Variants in FAM114A1 observed in about 807,000 individuals in gnomAD.
The protein encoded by FAM114A1 is protein NOXP20.
FAM114A1 carries 62 observed loss-of-function variants against 64.3 expected under a neutral mutation model. That is an observed-to-expected ratio of 0.96 (90% CI 0.79 to 1.19). FAM114A1 has a LOEUF of 1.19. Ranked by LOEUF, FAM114A1 falls within the 50% of genes most tolerant of loss-of-function variation. FAM114A1 has a pLI of 0.00. For synonymous variants in FAM114A1, 254 were observed against 251.1 expected, an observed-to-expected ratio of 1.01 and a Z score of -0.11; for missense variants, 645 against 676.3, an observed-to-expected ratio of 0.95 and a Z score of 0.51.
At chr4:38,942,918 A>G (rs1350878015) in intron 14 of FAM114A1, among the ~76,000 whole-genome samples, 1 of 152,158 alleles carries the variant, frequency 6.6e-6, no homozygotes, top group East Asian at 1.9e-4. Context: ...TTAAAAGTCC[A>G]TAGAAGTGGC....
At chr4:38,941,665 C>T (rs923806679) in intron 14 of FAM114A1, among the ~76,000 whole-genome samples, 1 of 152,184 alleles carries the variant, frequency 6.6e-6, no homozygotes, top group Non-Finnish European at 1.5e-5. Flanking sequence ...GCACTGTGTT[C>T]CACCTGTAGA....
intron 13 of FAM114A1, 101 bp from the exon 14 acceptor site, chr4:38,940,867 C>A: frequency 8.1e-7 from 1 of 1,241,406 alleles, no homozygotes; most frequent in Non-Finnish European, 1.2e-6. Flanking sequence ...TCCTCTTCCT[C>A]TGCAAGAGAT....
chr4:38,877,506 G>A (rs1054626522), intron 2 of FAM114A1, among the ~76,000 whole-genome samples: 2 of 152,178 alleles, frequency 1.3e-5, no homozygotes, highest in Non-Finnish European at 2.9e-5. Flanking sequence ...AGTTCAGGTG[G>A]TAATGCGAGC....
chr4:38,938,988 A>G (rs11944237), intron 13 of FAM114A1, among the ~76,000 whole-genome samples: 1 of 152,174 alleles, frequency 6.6e-6, no homozygotes, highest in Non-Finnish European at 1.5e-5. Flanking sequence ...TGCTTCTCAA[A>G]CTTAAGGTGC....
intron 3 of FAM114A1, among the ~76,000 whole-genome samples, chr4:38,881,113 A>T (rs1301725156): frequency 6.6e-6 from 1 of 151,616 alleles, no homozygotes; most frequent in Non-Finnish European, 1.5e-5. Flanking sequence ...TGAACCTGGG[A>T]GGTGAAGGTT....
chr4:38,873,553 C>T (rs1233956258), intron 2 of FAM114A1, among the ~76,000 whole-genome samples: 1 of 152,162 alleles, frequency 6.6e-6, no homozygotes, highest in Non-Finnish European at 1.5e-5. Flanking sequence ...TCAAAGAGGA[C>T]TTTAACTGTC....
chr4:38,930,325 A>G (rs902876729), intron 10 of FAM114A1, among the ~76,000 whole-genome samples: 2 of 152,152 alleles, frequency 1.3e-5, no homozygotes, highest in African/African-American at 2.4e-5. Context: ...AGTGGTTTAC[A>G]TAGGTACTCA....
At chr4:38,902,485 C>T (rs1195012913) in intron 4 of FAM114A1, among the ~76,000 whole-genome samples, 1 of 152,178 alleles carries the variant, frequency 6.6e-6, no homozygotes, top group African/African-American at 2.4e-5. Flanking sequence ...CAGAAATCCT[C>T]CACAAGACTC....
chr4:38,942,424 G>C (rs571066427), intron 14 of FAM114A1, among the ~76,000 whole-genome samples: 1 of 152,256 alleles, frequency 6.6e-6, no homozygotes, highest in South Asian at 2.1e-4. Context: ...ACATAGCTAA[G>C]AGAAAACCCT....
intron 13 of FAM114A1, chr4:38,938,649 A>C (rs1721306353): frequency 6.6e-6 from 1 of 152,204 alleles, no homozygotes; most frequent in Non-Finnish European, 1.5e-5. Flanking sequence ...TCAAGATGGA[A>C]TAGCCTTAGT....
chr4:38,931,658 T>C, intron 11 of FAM114A1, 46 bp downstream of exon 11: 3 of 1,523,974 alleles, frequency 2.0e-6, no homozygotes, highest in Non-Finnish European at 1.8e-6. Context: ...TAAGAGTGTG[T>C]TCATTTTATT....
chr4:38,898,964 G>T (rs1717225853), intron 4 of FAM114A1, among the ~76,000 whole-genome samples: 1 of 146,740 alleles, frequency 6.8e-6, no homozygotes, highest in Non-Finnish European at 1.5e-5. Flanking sequence ...TATTATATAT[G>T]TAATATATAT....
rs1029962015 is a variant in FAM114A1, at chr4:38,905,843, C to A, written c.639C>A (p.Thr213=). The A allele has an allele frequency of 6.2e-7, 1 of 1,613,002 alleles. No homozygotes were observed. The highest frequency in any genetic ancestry group is 1.3e-5 in the African/African-American group (1 of 74,742). Residue 213 remains threonine (T), a synonymous_variant, in exon 6 of 15, where the codon ACC becomes ACA. Coordinates refer to ENST00000358869, the MANE Select transcript of FAM114A1 (RefSeq NM_138389.4). Reference sequence around the variant, plus strand: ...CTCGGGGTATGCTGTCTGCCATCACCAATGTGGTTCAAAACACAGTGAGTC... The same window carrying A: ...CTCGGGGTATGCTGTCTGCCATCACAAATGTGGTTCAAAACACAGTGAGTC... The part of the protein sequence containing the change: ...SASRGMLSAI[T]NVVQNTGKSV...
At chr4:38,901,769 A>T (rs575742873) in intron 4 of FAM114A1, among the ~76,000 whole-genome samples, 8 of 152,310 alleles carry the variant, frequency 5.3e-5, no homozygotes, top group Non-Finnish European at 8.8e-5. Flanking sequence ...ATCAAAGTGG[A>T]TGTGTAAGAT....
intron 4 of FAM114A1, among the ~76,000 whole-genome samples, chr4:38,899,496 C>A (rs1370314768): frequency 6.6e-6 from 1 of 152,294 alleles, no homozygotes; most frequent in Middle Eastern, 3.4e-3. Context: ...AGAATGAGCA[C>A]TGTGATTCCA....
intron 3 of FAM114A1, among the ~76,000 whole-genome samples, chr4:38,880,095 A>AGTAGAGTAG (rs3067657): frequency 9.1e-4 from 88 of 96,888 alleles, no homozygotes; most frequent in African/African-American, 2.8e-3. Context: ...AAATAAAATA[A>AGTAGAGTAG]AATAAAATAG....
chr4:38,937,503 T>C (rs1383140206), intron 13 of FAM114A1, among the ~76,000 whole-genome samples: 1 of 152,170 alleles, frequency 6.6e-6, no homozygotes, highest in Non-Finnish European at 1.5e-5. Flanking sequence ...GCGTGACCAA[T>C]ATGACCTCAT....
chr4:38,934,971 A>G (rs544033353), intron 12 of FAM114A1, among the ~76,000 whole-genome samples: 24 of 151,956 alleles, frequency 1.6e-4, no homozygotes, highest in African/African-American at 4.8e-4. Context: ...CTGGAATGCA[A>G]TGGCATGATC....
intron 9 of FAM114A1, among the ~76,000 whole-genome samples, chr4:38,928,099 A>G (rs1213943089): frequency 6.6e-6 from 1 of 152,238 alleles, no homozygotes; most frequent in Non-Finnish European, 1.5e-5. Context: ...ATGCCAGGCT[A>G]TCTTCGTGGG....
Sources: allele counts gnomAD v4.1 joint callset (sites outside exome capture counted in the v4.1 genomes callset), GRCh38; gene constraint gnomAD v4.1.1; transcripts MANE v1.5; gene names NCBI Gene and HGNC (gene_info 2026-07-23, HGNC 2026-07-21).